Variants in TXNL4A observed in about 807,000 individuals in gnomAD.
The protein encoded by TXNL4A is thioredoxin like 4A.
In TXNL4A, 17 loss-of-function variants were observed where a neutral mutation model predicts 14.6. That is an observed-to-expected ratio of 1.16 (90% CI 0.80 to 1.74). The LOEUF is 1.74. Among genes scored for constraint, TXNL4A ranks in the 40% most tolerant of loss-of-function variants. The pLI, the probability that TXNL4A is intolerant of heterozygous loss-of-function variation, is 0.00. For synonymous variants in TXNL4A, 83 were observed against 70.6 expected (o/e 1.18, Z -0.88); for missense variants, 74 against 195.2 (o/e 0.38, Z 3.70).
intron 1 of TXNL4A, among the ~76,000 whole-genome samples, chr18:80,026,809 C>T (rs895216963): frequency 6.6e-6 from 1 of 152,082 alleles, no homozygotes; most frequent in African/African-American, 2.4e-5. Flanking sequence ...TCCATAATGC[C>T]GACATATCTT....
At chr18:79,998,491 T>C (rs2051677487) in intron 1 of TXNL4A, among the ~76,000 whole-genome samples, 1 of 151,110 alleles carries the variant, frequency 6.6e-6, no homozygotes, top group African/African-American at 2.4e-5. Flanking sequence ...TTCTCCCTTT[T>C]CACACACAAA....
At chr18:80,012,451 T>C (rs1286758228) in intron 1 of TXNL4A, among the ~76,000 whole-genome samples, 1 of 152,172 alleles carries the variant, frequency 6.6e-6, no homozygotes, top group Non-Finnish European at 1.5e-5. Context: ...GCCACTATAG[T>C]GCCTGCTCCT....
upstream of TXNL4A, among the ~76,000 whole-genome samples, chr18:79,989,619 T>G (rs1424172179): frequency 6.6e-6 from 1 of 152,234 alleles, no homozygotes; most frequent in Admixed American, 6.5e-5. Context: ...TGCTGGAGAC[T>G]CCCTGGTTTG....
At chr18:80,000,079 C>T (rs1017018568) in intron 1 of TXNL4A, among the ~76,000 whole-genome samples, 18 of 152,058 alleles carry the variant, frequency 1.2e-4, no homozygotes, top group Admixed American at 8.5e-4. Flanking sequence ...AGTGTGAAAA[C>T]GGAGTAATAC....
chr18:80,006,256 C>T (rs537052447), intron 1 of TXNL4A, among the ~76,000 whole-genome samples: 7 of 151,184 alleles, frequency 4.6e-5, no homozygotes, highest in South Asian at 2.1e-4. Flanking sequence ...TGGTGGCATG[C>T]GCCTGTAGTC....
At chr18:80,032,456 T>C (rs2051928416) in intron 1 of TXNL4A, among the ~76,000 whole-genome samples, 1 of 152,176 alleles carries the variant, frequency 6.6e-6, no homozygotes, top group East Asian at 1.9e-4. Flanking sequence ...TCTCCCCCTT[T>C]TGGTTCCTAA....
At position 80,032,125 on chromosome 18, in the gene TXNL4A, TTTC is replaced by T. The variant is rs200761085; in HGVS notation, c.-61+1723_-61+1725del. ...AGTCTGGCCTAGGTCCCTATACATT[TTTC>T]TTTTTTTCCTCTTTTTTCCTTTCCT... On this transcript the variant is annotated intron_variant, in intron 1 of 2. Coordinates refer to the TXNL4A transcript ENST00000585474. Among the ~76,000 whole-genome samples, 52 of 152,322 alleles carry T rather than the reference TTTC, an allele frequency of 3.4e-4. 1 individual carries two copies. The East Asian group carries it at 9.8e-3, about 29-fold the overall frequency.
chr18:80,027,404 A>T (rs2145130615), intron 1 of TXNL4A, among the ~76,000 whole-genome samples: 1 of 152,190 alleles, frequency 6.6e-6, no homozygotes, highest in South Asian at 2.1e-4. Flanking sequence ...ATACCCAGAC[A>T]CCCAATAGTC....
At chr18:80,014,759 G>C (rs190591162) in intron 1 of TXNL4A, among the ~76,000 whole-genome samples, 9 of 152,320 alleles carry the variant, frequency 5.9e-5, no homozygotes, top group African/African-American at 1.9e-4. Context: ...GGGACTCTGT[G>C]TGGGGGCTCC....
chr18:80,000,118 G>A (rs751578846), intron 1 of TXNL4A, among the ~76,000 whole-genome samples: 4 of 152,198 alleles, frequency 2.6e-5, no homozygotes, highest in Non-Finnish European at 4.4e-5. Flanking sequence ...GAGTGTGGTG[G>A]TGTTGTAAAG....
At chr18:79,979,291 T>C (rs937542891) in intron 1 of TXNL4A, 9 of 152,246 alleles carry the variant, frequency 5.9e-5, no homozygotes, top group African/African-American at 2.2e-4. Flanking sequence ...GGCAAACTTC[T>C]ATGGCTGCGT....
intron 1 of TXNL4A, among the ~76,000 whole-genome samples, chr18:79,981,250 G>A (rs1568364987): frequency 6.6e-6 from 1 of 152,130 alleles, no homozygotes; most frequent in Non-Finnish European, 1.5e-5. Flanking sequence ...ATTTGGACAG[G>A]GTTGTAAATT....
In TXNL4A at chr18:80,012,708, A is replaced by C. The variant is rs139767053; in HGVS notation, c.-61+21143T>G. Among the ~76,000 whole-genome samples, 731 of 152,344 alleles carry C rather than the reference A, an allele frequency of 4.8e-3. 4 individuals carry two copies. Among genetic ancestry groups the C allele is most frequent in the African/African-American group, 0.017 (700 of 41,568 alleles). On this transcript the variant is annotated intron_variant, in intron 1 of 2. Coordinates refer to the TXNL4A transcript ENST00000585474. The stretch of plus-strand genomic sequence containing the variant: ...TGCGTAGGAAGAATCTTTTTGGCAA[A>C]TAGAGTTTTGAAAAATTAGAGACAC...
At chr18:80,023,848 C>T (rs1321012691) in intron 1 of TXNL4A, among the ~76,000 whole-genome samples, 1 of 152,156 alleles carries the variant, frequency 6.6e-6, no homozygotes, top group Non-Finnish European at 1.5e-5. Context: ...TCTCAATATC[C>T]CACCCTTTCC....
chr18:80,030,061 G>A (rs2051911303), intron 1 of TXNL4A, among the ~76,000 whole-genome samples: 2 of 152,176 alleles, frequency 1.3e-5, no homozygotes, highest in Non-Finnish European at 2.9e-5. Context: ...AAAATTAGAA[G>A]GTGTAGACTC....
chr18:80,017,145 A>G lies in TXNL4A; in HGVS notation c.-61+16706T>C, dbSNP rs1463822148. On this transcript the variant is annotated intron_variant, in intron 1 of 2. Coordinates refer to the TXNL4A transcript ENST00000585474. ...AGCAATTGTGAATGGGAGTTCACTC[A>G]TGATTTGGCTCTCTGTTTGTCTGTT... Among the ~76,000 whole-genome samples, 558 of 150,612 alleles carry G rather than the reference A, an allele frequency of 3.7e-3. 4 individuals are homozygous for G. The highest frequency in any genetic ancestry group is 0.013 in the African/African-American group (525 of 41,220).
At chr18:79,987,471 T>C (rs1428358226) in intron 1 of TXNL4A, among the ~76,000 whole-genome samples, 1 of 142,842 alleles carries the variant, frequency 7.0e-6, no homozygotes, top group East Asian at 2.0e-4. Flanking sequence ...TTATGGAAAA[T>C]TAATATGGCA....
intron 1 of TXNL4A, among the ~76,000 whole-genome samples, chr18:79,998,736 C>CGT (rs1409240814): frequency 2.7e-5 from 4 of 149,296 alleles, no homozygotes; most frequent in African/African-American, 9.9e-5. Flanking sequence ...TCATACTCAA[C>CGT]GTGTGTCTGT....
At position 79,982,452 on chromosome 18, in the gene TXNL4A, C is replaced by T. The variant is rs948288393; in HGVS notation, c.154-4751G>A. Among the ~76,000 whole-genome samples the T allele has an allele frequency of 2.6e-5, 4 of 152,124 alleles. No homozygotes were observed. The highest frequency in any genetic ancestry group is 4.8e-5 in the African/African-American group (2 of 41,410). On this transcript the variant is annotated intron_variant, in intron 1 of 2. Coordinates refer to ENST00000269601, the MANE Select transcript of TXNL4A (RefSeq NM_006701.5). This position sits in a 1 kb window ranked among gnomAD's most constrained non-coding sequence, Gnocchi z 4.0. ...GGGCTGGAGAGAGCTACCTTACTGCCGCCACCTACATCCAGCAGTGATCCC... is the reference window on the plus strand; with the variant it reads ...GGGCTGGAGAGAGCTACCTTACTGCTGCCACCTACATCCAGCAGTGATCCC...
Sources: gnomAD v4.1 joint callset for allele counts (sites outside exome capture counted in the v4.1 genomes callset) on GRCh38, gnomAD v4.1.1 for gene constraint, Gnocchi (gnomAD v3.1) non-coding constraint, MANE v1.5 for transcripts, NCBI Gene and HGNC (gene_info 2026-07-23, HGNC 2026-07-21) for gene names.